Variants in COPG2 observed in about 807,000 individuals in gnomAD.
COPG2 encodes the protein coatomer subunit gamma-2.
In COPG2, 37 loss-of-function variants were observed where a neutral mutation model predicts 46.3. The observed-to-expected ratio is 0.80, with a 90% confidence interval of 0.61 to 1.05. The LOEUF (loss-of-function observed/expected upper bound fraction) is 1.05, where lower values mean the gene tolerates loss of function less well. Ranked by LOEUF, COPG2 falls within the 50% of genes least tolerant of loss-of-function variation. The probability of loss-of-function intolerance (pLI) is 0.00; values close to 1 mark genes in which losing one functional copy is unlikely to be tolerated. For missense variants in COPG2, 427 were observed against 387.8 expected (o/e 1.10, Z -0.85); for synonymous variants, 159 against 129.7 (o/e 1.23, Z -1.53).
At chr7:130,530,671 G>A (rs1019599275) in intron 20 of COPG2, among the ~76,000 whole-genome samples, 3 of 152,068 alleles carry the variant, frequency 2.0e-5, no homozygotes, top group African/African-American at 7.2e-5. Flanking sequence ...AAGGAAGCAA[G>A]GAGAAGAAAT....
intron 9 of COPG2, among the ~76,000 whole-genome samples, chr7:130,573,684 G>A (rs926789901): frequency 6.6e-6 from 1 of 151,982 alleles, no homozygotes; most frequent in Non-Finnish European, 1.5e-5. Context: ...CTTCATAGAT[G>A]AACAAAAGTC....
At chr7:130,657,651 T>A (rs144641018) in intron 4 of COPG2, among the ~76,000 whole-genome samples, 8 of 152,286 alleles carry the variant, frequency 5.3e-5, no homozygotes, top group Middle Eastern at 6.8e-3. Flanking sequence ...AGGATTTGTA[T>A]CCAGAATGCA....
chr7:130,526,457 G>C (rs1444674281), intron 20 of COPG2, among the ~76,000 whole-genome samples: 1 of 152,080 alleles, frequency 6.6e-6, no homozygotes, highest in Admixed American at 6.5e-5. Context: ...AAGGGGAAAG[G>C]CTTCAAGAAA....
At chr7:130,652,792 G>C (rs1795773848) in intron 5 of COPG2, 77 bp downstream of exon 5, 1 of 903,464 alleles carries the variant, frequency 1.1e-6, no homozygotes, top group South Asian at 1.5e-5. Flanking sequence ...GCTTTCTTAT[G>C]GTCAAAAAAT....
intron 8 of COPG2, among the ~76,000 whole-genome samples, chr7:130,611,849 T>C (rs1414110582): frequency 1.3e-5 from 2 of 152,250 alleles, no homozygotes; most frequent in Admixed American, 6.5e-5. Context: ...CTTGGAATTA[T>C]CTTTTTACAC....
rs994965223 is a variant in COPG2, at chr7:130,668,711, A to G, written c.-43T>C. The stretch of plus-strand genomic sequence containing the variant: ...CGCCCAGACCCACCGCAACCGTCCC[A>G]GGCGCCGCAGCCGGCGAGCGGAAGA... On this transcript the variant is annotated 5_prime_UTR_variant, in exon 1 of 24. Transcript: ENST00000425248. 61 of 1,510,976 alleles carry G rather than the reference A, an allele frequency of 4.0e-5. No homozygotes were observed. The highest frequency in any genetic ancestry group is 5.2e-5 in the Non-Finnish European group (59 of 1,129,528). 93.6% of individuals were successfully genotyped at this position (1,510,976 alleles called of 1,614,324 possible).
chr7:130,518,917 A>G (rs980604223), intron 20 of COPG2, among the ~76,000 whole-genome samples: 110 of 151,928 alleles, frequency 7.2e-4, no homozygotes, highest in African/African-American at 2.6e-3. Context: ...GAGGCAGGAA[A>G]ACTGCTTGAA....
intron 20 of COPG2, among the ~76,000 whole-genome samples, chr7:130,530,688 G>C (rs1475986409): frequency 6.6e-6 from 1 of 152,084 alleles, no homozygotes; most frequent in Non-Finnish European, 1.5e-5. Flanking sequence ...AAATGTGGAC[G>C]CAAGGGGAAA....
At chr7:130,528,148 G>GA (rs1799791282) in intron 20 of COPG2, among the ~76,000 whole-genome samples, 1 of 152,126 alleles carries the variant, frequency 6.6e-6, no homozygotes, top group African/African-American at 2.4e-5. Flanking sequence ...GGCAGGGCGG[G>GA]AGAGTCAGGT....
At chr7:130,518,973 TCCAGCCTGGGCAA>T in intron 20 of COPG2, among the ~76,000 whole-genome samples, 1 of 133,376 alleles carries the variant, frequency 7.5e-6, no homozygotes, top group Non-Finnish European at 1.5e-5. Context: ...ACCACTGCAC[TCCAGCCTGGGCAA>T]CAGAGTGAGA....
At chr7:130,589,911 C>T (rs36127202) in intron 9 of COPG2, among the ~76,000 whole-genome samples, 64,982 of 152,016 alleles carry the variant, frequency 0.43, 16,614 homozygotes, top group East Asian at 0.6. Flanking sequence ...GGATACTAGT[C>T]CTCCATGAGT....
At chr7:130,518,931 C>T (rs927375497) in intron 20 of COPG2, among the ~76,000 whole-genome samples, 3 of 145,874 alleles carry the variant, frequency 2.1e-5, no homozygotes, top group East Asian at 2.0e-4. Flanking sequence ...GCTTGAACCC[C>T]GGAGGTGGAG....
intron 9 of COPG2, among the ~76,000 whole-genome samples, chr7:130,587,505 A>T (rs1457125481): frequency 6.6e-6 from 1 of 151,980 alleles, no homozygotes; most frequent in African/African-American, 2.4e-5. Context: ...TTCACCTTTA[A>T]ATTTTTAAAT....
chr7:130,637,051 C>T (rs1278609828), intron 5 of COPG2, among the ~76,000 whole-genome samples: 4 of 152,098 alleles, frequency 2.6e-5, no homozygotes, highest in African/African-American at 9.7e-5. Context: ...AATATTGGCC[C>T]CCACTCTCTT....
intron 9 of COPG2, among the ~76,000 whole-genome samples, chr7:130,587,090 T>C (rs1035993785): frequency 6.6e-6 from 1 of 151,928 alleles, no homozygotes; most frequent in Admixed American, 6.6e-5. Flanking sequence ...GCAGATCGCC[T>C]GAGGTCAGGA....
intron 9 of COPG2, among the ~76,000 whole-genome samples, chr7:130,579,632 C>T (rs1554446829): frequency 6.6e-6 from 1 of 151,678 alleles, no homozygotes; most frequent in South Asian, 2.1e-4. Context: ...CACACAGGCT[C>T]AAAATAAAAG....
chr7:130,648,345 T>C (rs1362057044), intron 5 of COPG2, among the ~76,000 whole-genome samples: 1 of 152,188 alleles, frequency 6.6e-6, no homozygotes, highest in Non-Finnish European at 1.5e-5. Flanking sequence ...ATTAGGGCTA[T>C]GTCCATTTCA....
chr7:130,605,106 A>C (rs1249857148), intron 9 of COPG2: 4 of 483,882 alleles, frequency 8.3e-6, no homozygotes, highest in Non-Finnish European at 1.2e-5. Flanking sequence ...AGGCCACTTG[A>C]TCTTATCCCA....
At chr7:130,574,649 C>T (rs1279868615) in intron 9 of COPG2, among the ~76,000 whole-genome samples, 2 of 151,916 alleles carry the variant, frequency 1.3e-5, no homozygotes, top group African/African-American at 4.8e-5. Flanking sequence ...TAACACCTCC[C>T]CCCCCAAAAA....
Sources: allele counts gnomAD v4.1 joint callset (sites outside exome capture counted in the v4.1 genomes callset), GRCh38; gene constraint gnomAD v4.1.1; transcripts MANE v1.5; gene names NCBI Gene and HGNC (gene_info 2026-07-23, HGNC 2026-07-21).